PCSK5: variants seen among roughly 807,000 people sequenced by gnomAD.
The protein encoded by PCSK5 is prohormone convertase 5.
In PCSK5, 129 loss-of-function variants were observed where a neutral mutation model predicts 233.2. The observed-to-expected ratio is 0.55, with a 90% CI of 0.48 to 0.64. The LOEUF is 0.64. Ranked by LOEUF, PCSK5 falls within the 30% of genes least tolerant of loss-of-function variation. The pLI is 0.00. For synonymous variants in PCSK5, 825 were observed against 879.2 expected (o/e 0.94, Z 1.09); for missense variants, 2,076 against 2,430.1 (o/e 0.85, Z 3.06).
intron 2 of PCSK5, among the ~76,000 whole-genome samples, chr9:75,977,321 T>A (rs1005005540): frequency 6.6e-6 from 1 of 151,678 alleles, no homozygotes; most frequent in Non-Finnish European, 1.5e-5. Context: ...GCACAGATCA[T>A]CCCTTCACCT....
chr9:76,279,838 G>A (rs1476301422), intron 24 of PCSK5, among the ~76,000 whole-genome samples: 11 of 151,148 alleles, frequency 7.3e-5, no homozygotes, highest in South Asian at 4.2e-4. Context: ...AGTAGGTTGC[G>A]AAAATTTTCT....
In PCSK5 at chr9:76,189,097, C is replaced by T. The variant is rs1191843296; in HGVS notation, c.2384C>T (p.Ala795Val). The T allele has an allele frequency of 6.2e-7, 1 of 1,613,040 alleles. No individual in the cohort carries two copies. The highest frequency in any genetic ancestry group is 8.5e-7 in the Non-Finnish European group (1 of 1,179,644). The change falls in exon 19 of 38, where the codon GCA becomes GTA. Residue 795 changes from alanine (A) to valine (V), a missense_variant. Ala to Val is a moderately conservative substitution (Grantham distance 64). Around this residue, in one of 6 missense-constraint regions of PCSK5, gnomAD observed 1,510 missense variants for 1,538.1 expected, o/e 0.98. Transcript: ENST00000674117. ...CTGTGTTTGTCTTGCTTTTAAGGGG[C>T]AGGAGCTGATGGGTGCATTAACTGC... ...CHRFCATCAG[A>V]GADGCINCTE...
chr9:76,120,204 T>C (rs1292931073), intron 9 of PCSK5, among the ~76,000 whole-genome samples: 1 of 152,148 alleles, frequency 6.6e-6, no homozygotes, highest in African/African-American at 2.4e-5. Flanking sequence ...AAGCAGTTTG[T>C]TTTGTATTCT....
At chr9:76,247,826 C>A in intron 24 of PCSK5, among the ~76,000 whole-genome samples, 1 of 151,786 alleles carries the variant, frequency 6.6e-6, no homozygotes, top group East Asian at 1.9e-4. Context: ...GCCCTGTTGC[C>A]CAGGCTGGAG....
rs1587787355 is a variant in PCSK5, at chr9:76,233,496, C to T, written c.2766C>T (p.Pro922=). 2 of 1,612,758 alleles carry T rather than the reference C, an allele frequency of 1.2e-6. No individual in the cohort carries two copies. The highest frequency in any genetic ancestry group is 1.7e-6 in the Non-Finnish European group (2 of 1,179,816). The part of the protein sequence containing the change: ...FDDGRCVSNC[P]SWKFEFENQC... ...ATGGCCGCTGTGTTTCGAACTGCCC[C>T]TCATGGAAATTTGAATTTGAGAACC... The change falls in exon 22 of 38, where the codon CCC becomes CCT. Residue 922 remains proline (P), a synonymous_variant. Transcript: ENST00000674117.
chr9:75,902,228 A>AAAAAAAAAG (rs1826071545), intron 1 of PCSK5, among the ~76,000 whole-genome samples: 1 of 120,756 alleles, frequency 8.3e-6, no homozygotes, highest in African/African-American at 2.6e-5. Context: ...AAAAAAAAAA[A>AAAAAAAAAG]AAAAAAAAAA....
intron 2 of PCSK5, among the ~76,000 whole-genome samples, chr9:75,980,785 G>T (rs1419694061): frequency 7.6e-5 from 11 of 144,332 alleles, no homozygotes; most frequent in African/African-American, 2.8e-4. Flanking sequence ...TTGATGTTTT[G>T]ATCAGAGTTT....
At chr9:76,219,715 C>A (rs1019159216) in intron 20 of PCSK5, among the ~76,000 whole-genome samples, 1 of 152,194 alleles carries the variant, frequency 6.6e-6, no homozygotes, top group South Asian at 2.1e-4. Context: ...TCTCCTGCTG[C>A]GGGCTTGCAT....
At chr9:76,188,006 C>G (rs571312153) in intron 17 of PCSK5, among the ~76,000 whole-genome samples, 2 of 152,202 alleles carry the variant, frequency 1.3e-5, no homozygotes, top group East Asian at 3.9e-4. Flanking sequence ...TATTTTAAAT[C>G]TTGTTGTTTT....
chr9:76,294,174 G>A (rs1045304447), intron 25 of PCSK5, among the ~76,000 whole-genome samples: 57 of 148,024 alleles, frequency 3.9e-4, no homozygotes, highest in Non-Finnish European at 4.4e-4. Flanking sequence ...TCCAGCCTCA[G>A]TGACAGGGAG....
At chr9:76,016,738 T>C (rs1240240324) in intron 3 of PCSK5, among the ~76,000 whole-genome samples, 1 of 152,218 alleles carries the variant, frequency 6.6e-6, no homozygotes, top group Non-Finnish European at 1.5e-5. Context: ...TAATGCACGA[T>C]GGGTCAGGTT....
intron 5 of PCSK5, among the ~76,000 whole-genome samples, chr9:76,042,863 C>T (rs1262900745): frequency 1.3e-5 from 2 of 152,174 alleles, no homozygotes; most frequent in African/African-American, 4.8e-5. Context: ...TGCATCGCAA[C>T]AGCCTGTAAT....
At chr9:76,175,961 T>C (rs978411912) in intron 14 of PCSK5, among the ~76,000 whole-genome samples, 1 of 152,156 alleles carries the variant, frequency 6.6e-6, no homozygotes, top group African/African-American at 2.4e-5. Flanking sequence ...GTTTCGTCTT[T>C]GCTGAAAACA....
chr9:76,184,028 C>T (rs1487214903), intron 16 of PCSK5, among the ~76,000 whole-genome samples: 1 of 152,154 alleles, frequency 6.6e-6, no homozygotes, highest in Non-Finnish European at 1.5e-5. Context: ...TCAAATGATA[C>T]ATTTCTATTC....
chr9:76,338,473 T>C (rs1829741861), intron 35 of PCSK5, 26 bp downstream of exon 35: 1 of 1,502,468 alleles, frequency 6.7e-7, no homozygotes, highest in African/African-American at 1.4e-5. Flanking sequence ...TCATTTTGCA[T>C]GAGTGCGTAG....
At chr9:75,978,617 C>T (rs1826128320) in intron 2 of PCSK5, among the ~76,000 whole-genome samples, 1 of 152,152 alleles carries the variant, frequency 6.6e-6, no homozygotes, top group Non-Finnish European at 1.5e-5. Flanking sequence ...AAAGATCACA[C>T]ACAGGATGTT....
At chr9:76,125,410 G>A (rs1476782522) in intron 9 of PCSK5, among the ~76,000 whole-genome samples, 1 of 152,178 alleles carries the variant, frequency 6.6e-6, no homozygotes, top group African/African-American at 2.4e-5. Context: ...TCAGAGCTGA[G>A]GCTCTAGAAT....
At chr9:76,193,636 C>T (rs79957845) in intron 20 of PCSK5, 1 of 268,080 alleles carries the variant, frequency 3.7e-6, no homozygotes, top group East Asian at 6.9e-5. Context: ...ATGACCAAAG[C>T]ATTTGATGCC....
At chr9:76,082,115 C>T (rs1341307970) in intron 7 of PCSK5, among the ~76,000 whole-genome samples, 2 of 152,076 alleles carry the variant, frequency 1.3e-5, no homozygotes, top group African/African-American at 4.8e-5. Flanking sequence ...TAGGTTCTCT[C>T]ACAGGTTCTT....
Sources: gnomAD v4.1 joint callset for allele counts (sites outside exome capture counted in the v4.1 genomes callset) on GRCh38, gnomAD v4.1.1 for gene constraint, gnomAD v4.1.1 regional missense constraint, MANE v1.5 for transcripts, NCBI Gene and HGNC (gene_info 2026-07-23, HGNC 2026-07-21) for gene names.